LDLRAD4: variants seen among roughly 807,000 people sequenced by gnomAD.
LDLRAD4 encodes low-density lipoprotein receptor class A domain-containing protein 4.
Under a neutral mutation model 17.0 loss-of-function variants are expected in LDLRAD4, and 5 were observed. The observed-to-expected ratio is 0.29, with a 90% CI of 0.15 to 0.62. The LOEUF (loss-of-function observed/expected upper bound fraction) is 0.62. Ranked by LOEUF, LDLRAD4 falls within the 20% of genes least tolerant of loss-of-function variation. The pLI is 0.84. For missense variants in LDLRAD4, 340 were observed against 424.7 expected, an observed-to-expected ratio of 0.80 and a Z score of 1.75; for synonymous variants, 168 against 171.8, an observed-to-expected ratio of 0.98 and a Z score of 0.17.
Position 13,642,111 on chromosome 18 carries a change from C to T in LDLRAD4, c.337-1248C>T, listed in dbSNP as rs973293688. ...GGTCCCTGAGCCCACCCTTCGTCTC[C>T]GAGCAGCTGGACCGCCGTATACGTT... On this transcript the variant is annotated intron_variant, in intron 4 of 5. Coordinates refer to ENST00000359446, the Ensembl canonical transcript of LDLRAD4. The T allele has an allele frequency of 3.4e-5, 34 of 985,528 alleles. No individual in the cohort carries two copies. In the African/African-American group the frequency reaches 5.8e-4, roughly 17 times the overall value. The allele number at this position is 985,528 out of a possible 1,614,324, so 61.0% of individuals were successfully genotyped here. A position where few individuals can be genotyped will look rare whatever the true frequency, so the allele number is the denominator to read the frequency against.
At chr18:13,529,811 CAG>C in intron 3 of LDLRAD4, among the ~76,000 whole-genome samples, 1 of 152,260 alleles carries the variant, frequency 6.6e-6, no homozygotes, top group Non-Finnish European at 1.5e-5. Flanking sequence ...AGGCTGTCCA[CAG>C]AGTGTGTCCT....
intron 3 of LDLRAD4, among the ~76,000 whole-genome samples, chr18:13,547,183 A>G (rs2094377511): frequency 6.6e-6 from 1 of 152,222 alleles, no homozygotes; most frequent in African/African-American, 2.4e-5. Context: ...GGTAGGAAGG[A>G]AGAAAATGTA....
At chr18:13,380,903 T>G (rs2085307999) in intron 1 of LDLRAD4, among the ~76,000 whole-genome samples, 1 of 152,120 alleles carries the variant, frequency 6.6e-6, no homozygotes, top group South Asian at 2.1e-4. Flanking sequence ...AGCTACATGT[T>G]ATTTTGCCCC....
chr18:13,304,920 G>C (rs1296653614), intron 1 of LDLRAD4, among the ~76,000 whole-genome samples: 1 of 152,166 alleles, frequency 6.6e-6, no homozygotes, highest in Non-Finnish European at 1.5e-5. Context: ...CTGACGGAGG[G>C]CGTGTTTATC....
chr18:13,343,880 C>T (rs1368153050), intron 1 of LDLRAD4, among the ~76,000 whole-genome samples: 3 of 152,298 alleles, frequency 2.0e-5, no homozygotes, highest in East Asian at 3.9e-4. Flanking sequence ...TAAATGTCTT[C>T]TTTTGAGAAG....
chr18:13,408,408 G>C (rs1454047582), intron 2 of LDLRAD4, among the ~76,000 whole-genome samples: 1 of 150,378 alleles, frequency 6.6e-6, no homozygotes, highest in East Asian at 1.9e-4. Context: ...GAGAGATAGA[G>C]TAGTAGGGTG....
At chr18:13,316,966 T>G (rs747040299) in intron 1 of LDLRAD4, among the ~76,000 whole-genome samples, 3 of 152,184 alleles carry the variant, frequency 2.0e-5, no homozygotes, top group Non-Finnish European at 4.4e-5. Flanking sequence ...GAACTAAATA[T>G]GCCAGTTAAT....
intron 1 of LDLRAD4, among the ~76,000 whole-genome samples, chr18:13,327,403 G>A (rs1212974470): frequency 2.0e-5 from 3 of 151,954 alleles, no homozygotes; most frequent in Non-Finnish European, 2.9e-5. Flanking sequence ...GCACCACCAC[G>A]TGGAAAGGTG....
At chr18:13,557,532 C>A (rs760456450) in intron 3 of LDLRAD4, among the ~76,000 whole-genome samples, 8 of 152,186 alleles carry the variant, frequency 5.3e-5, no homozygotes, top group Non-Finnish European at 8.8e-5. Flanking sequence ...TCCCAAGTAG[C>A]TGGGACTACA....
rs564814752 is a variant in LDLRAD4, at chr18:13,571,774, C to T, written c.182-49343C>T. On this transcript the variant is annotated intron_variant, in intron 3 of 5. Transcript: ENST00000359446. ...GCCTCAGCCTCCCAAGTAGCTGGGACTACAGGCGCCCGCCACTATGCCTGG... is the reference window on the plus strand; with the variant it reads ...GCCTCAGCCTCCCAAGTAGCTGGGATTACAGGCGCCCGCCACTATGCCTGG... Among the ~76,000 whole-genome samples, 358 of 151,996 alleles carry T rather than the reference C, an allele frequency of 2.4e-3. 1 individual carries two copies. Among genetic ancestry groups the T allele is most frequent in the Non-Finnish European group, 3.6e-3 (244 of 67,864 alleles).
intron 2 of LDLRAD4, among the ~76,000 whole-genome samples, chr18:13,422,425 A>G (rs889907567): frequency 6.6e-6 from 1 of 152,058 alleles, no homozygotes; most frequent in Admixed American, 6.5e-5. Context: ...GGCCAGGTGC[A>G]GTTGCTCATG....
intron 2 of LDLRAD4, among the ~76,000 whole-genome samples, chr18:13,389,793 G>A (rs1346257652): frequency 6.6e-6 from 1 of 151,804 alleles, no homozygotes; most frequent in Non-Finnish European, 1.5e-5. Flanking sequence ...GAAAGGGAAA[G>A]GCCAAACTGA....
intron 1 of LDLRAD4, among the ~76,000 whole-genome samples, chr18:13,304,437 G>A (rs562979537): frequency 6.6e-6 from 1 of 152,308 alleles, no homozygotes; most frequent in East Asian, 1.9e-4. Context: ...CTGTATCTCT[G>A]TGTTGGGCCT....
chr18:13,533,629 T>G (rs2094160922), intron 3 of LDLRAD4, among the ~76,000 whole-genome samples: 1 of 152,248 alleles, frequency 6.6e-6, no homozygotes, highest in Non-Finnish European at 1.5e-5. Context: ...GAAGTGATTA[T>G]GTACTGAATC....
chr18:13,293,182 ATGGCCTG>A (rs1429598195), intron 1 of LDLRAD4, among the ~76,000 whole-genome samples: 2 of 152,212 alleles, frequency 1.3e-5, no homozygotes, highest in Non-Finnish European at 2.9e-5. Context: ...TGTCTTTCCT[ATGGCCTG>A]TGGTCAATTT....
intron 3 of LDLRAD4, among the ~76,000 whole-genome samples, chr18:13,582,470 G>T (rs1383194336): frequency 6.6e-6 from 1 of 152,224 alleles, no homozygotes; most frequent in Non-Finnish European, 1.5e-5. Context: ...TCCCAGGCTT[G>T]CCCGCTAAGG....
intron 3 of LDLRAD4, among the ~76,000 whole-genome samples, chr18:13,503,560 C>T (rs905500707): frequency 1.3e-5 from 2 of 152,122 alleles, no homozygotes; most frequent in Non-Finnish European, 2.9e-5. Context: ...CAGAAGGGGG[C>T]TTCCTTGCTG....
At position 13,496,063 on chromosome 18, in the gene LDLRAD4, G is replaced by A. The variant is rs57251998; in HGVS notation, c.181+57679G>A. On this transcript the variant is annotated intron_variant, in intron 3 of 5. Transcript: ENST00000359446. ...CTCTGCCTCGAGGAGATTTGGCTGC[G>A]TATAGAGGAACAGGGAAGGTGAGTA... Among the ~76,000 whole-genome samples the A allele has an allele frequency of 5.8e-3, 889 of 152,278 alleles. 11 individuals carry two copies. Among genetic ancestry groups the A allele is most frequent in the African/African-American group, 0.02 (824 of 41,554 alleles).
intron 3 of LDLRAD4, among the ~76,000 whole-genome samples, chr18:13,451,513 C>T (rs1277478789): frequency 6.6e-6 from 1 of 152,194 alleles, no homozygotes; most frequent in Admixed American, 6.5e-5. Flanking sequence ...CCTTATGTAG[C>T]CTGCAGAACC....
Sources: gnomAD v4.1 joint callset for allele counts (sites outside exome capture counted in the v4.1 genomes callset) on GRCh38, gnomAD v4.1.1 for gene constraint, MANE v1.5 for transcripts, NCBI Gene and HGNC (gene_info 2026-07-23, HGNC 2026-07-21) for gene names.